The following NPAS3 variants were observed in gnomAD, a reference collection of about 807,000 sequenced individuals.
The protein encoded by NPAS3 is neuronal PAS domain protein 3.
Under a neutral mutation model 73.1 loss-of-function variants are expected in NPAS3, and 14 were observed. The observed-to-expected ratio is 0.19, with a 90% CI of 0.13 to 0.30. NPAS3 has a LOEUF of 0.30. Among genes scored for constraint, NPAS3 ranks in the 10% least tolerant of loss-of-function variants. NPAS3 has a pLI of 1.00. For missense variants in NPAS3, 1,096 were observed against 1,250.0 expected (o/e 0.88, Z 1.86); for synonymous variants, 620 against 541.5 (o/e 1.14, Z -2.01).
chr14:33,793,345 A>G (rs1200989823), intron 9 of NPAS3, among the ~76,000 whole-genome samples: 1 of 152,228 alleles, frequency 6.6e-6, no homozygotes, highest in Non-Finnish European at 1.5e-5. Context: ...CCGACTGACC[A>G]GTGTAAATTT....
intron 4 of NPAS3, 111 bp from the exon 5 acceptor site, chr14:33,560,009 CA>C (rs33950536): frequency 0.09 from 35,217 of 389,298 alleles, 76 homozygotes; most frequent in Middle Eastern, 0.13. Flanking sequence ...GACTCTGTCT[CA>C]AAAAAAAAAA....
intron 6 of NPAS3, among the ~76,000 whole-genome samples, chr14:33,701,736 A>G (rs1390143659): frequency 1.3e-5 from 2 of 152,148 alleles, no homozygotes; most frequent in East Asian, 3.9e-4. Context: ...TCATTCATTC[A>G]TTTATCCATT....
chr14:33,260,589 G>A (rs1343375506), intron 3 of NPAS3, among the ~76,000 whole-genome samples: 1 of 152,142 alleles, frequency 6.6e-6, no homozygotes, highest in Non-Finnish European at 1.5e-5. Context: ...ATCAGCAGCA[G>A]ATCATTTGCT....
chr14:33,192,598 C>T (rs1308825639), intron 2 of NPAS3, among the ~76,000 whole-genome samples: 1 of 152,160 alleles, frequency 6.6e-6, no homozygotes, highest in Non-Finnish European at 1.5e-5. Context: ...ATTATCATTA[C>T]ATATCTGATT....
At chr14:33,169,754 G>A (rs1386826085) in intron 2 of NPAS3, among the ~76,000 whole-genome samples, 1 of 152,200 alleles carries the variant, frequency 6.6e-6, no homozygotes, top group Admixed American at 6.5e-5. Context: ...TCAAAATGCT[G>A]TTTTGCTTCT....
chr14:33,416,019 G>A (rs536120387), intron 4 of NPAS3, among the ~76,000 whole-genome samples: 2 of 152,128 alleles, frequency 1.3e-5, no homozygotes, highest in South Asian at 4.1e-4. Flanking sequence ...ATAAAGCTCT[G>A]AGGATGTCTT....
chr14:33,748,100 G>GT (rs1446498842), intron 7 of NPAS3, among the ~76,000 whole-genome samples: 3 of 152,050 alleles, frequency 2.0e-5, no homozygotes, highest in African/African-American at 7.2e-5. Flanking sequence ...ATAAACATTT[G>GT]TTTTTTAAAA....
intron 4 of NPAS3, among the ~76,000 whole-genome samples, chr14:33,520,433 A>T (rs1185248768): frequency 6.6e-6 from 1 of 152,056 alleles, no homozygotes; most frequent in African/African-American, 2.4e-5. Context: ...TAAATCTGAG[A>T]TGAAATAAGA....
chr14:33,102,704 G>C (rs1026146494), intron 2 of NPAS3, among the ~76,000 whole-genome samples: 2 of 152,220 alleles, frequency 1.3e-5, no homozygotes, highest in Non-Finnish European at 2.9e-5. Flanking sequence ...AATGGGAATG[G>C]AAGTGGGAAG....
chr14:33,063,766 T>G (rs1221785893), intron 2 of NPAS3, among the ~76,000 whole-genome samples: 1 of 152,204 alleles, frequency 6.6e-6, no homozygotes, highest in African/African-American at 2.4e-5. Context: ...CTTCAGAACC[T>G]AAGGTCTAAA....
chr14:33,789,606 T>TTTTTTTTTG (rs1318374959), intron 9 of NPAS3, among the ~76,000 whole-genome samples: 1 of 134,680 alleles, frequency 7.4e-6, no homozygotes, highest in African/African-American at 3.2e-5. Context: ...TTTTTTTTTT[T>TTTTTTTTTG]GAGACGGAGT....
chr14:32,944,364 A>G (rs975687380), intron 1 of NPAS3, among the ~76,000 whole-genome samples: 1 of 152,212 alleles, frequency 6.6e-6, no homozygotes, highest in Non-Finnish European at 1.5e-5. Context: ...ATAAGGCTGA[A>G]ACTTAGTAAA....
chr14:33,348,355 G>A (rs932425940), intron 3 of NPAS3, among the ~76,000 whole-genome samples: 11 of 152,086 alleles, frequency 7.2e-5, no homozygotes, highest in African/African-American at 2.2e-4. Context: ...TTAAGCATAG[G>A]TAATTTGTCA....
At chr14:32,934,808 GC>G (rs1000875506), upstream of NPAS3, 1 of 272,706 alleles carries the variant, frequency 3.7e-6, no homozygotes, top group Non-Finnish European at 5.6e-6. The surrounding 1 kb of genome is among the most constrained non-coding windows in gnomAD (Gnocchi z 4.1). Flanking sequence ...GCCAGCCAGA[GC>G]CCAGAGCCGC....
At chr14:32,938,949 C>T (rs1372930993), upstream of NPAS3, among the ~76,000 whole-genome samples, 1 of 146,006 alleles carries the variant, frequency 6.8e-6, no homozygotes, top group East Asian at 2.0e-4. Context: ...CGCTCTGCGG[C>T]GCATGGACGG....
intron 5 of NPAS3, among the ~76,000 whole-genome samples, chr14:33,560,672 C>G (rs1239567223): frequency 6.6e-6 from 1 of 152,134 alleles, no homozygotes; most frequent in African/African-American, 2.4e-5. Flanking sequence ...AGGGTTCCAG[C>G]AAGGATATAT....
intron 4 of NPAS3, among the ~76,000 whole-genome samples, chr14:33,419,572 C>A (rs1442497106): frequency 6.6e-6 from 1 of 151,688 alleles, no homozygotes; most frequent in South Asian, 2.1e-4. Flanking sequence ...TTTTTTAAAG[C>A]TTTTGGTGAA....
chr14:32,944,986 C>T lies in NPAS3; in HGVS notation c.50+5620C>T, dbSNP rs188332841. The stretch of plus-strand genomic sequence containing the variant: ...TTCAGCTTCATTTATTGAACCTCTA[C>T]CATGGACCGTGGTTATGCGTGCCAG... On this transcript the variant is annotated intron_variant, in intron 1 of 11. Transcript: ENST00000356141. Among the ~76,000 whole-genome samples, 421 of 152,262 alleles carry T rather than the reference C, an allele frequency of 2.8e-3. 1 individual carries two copies. The highest frequency in any genetic ancestry group is 9.7e-3 in the African/African-American group (401 of 41,536).
chr14:33,326,473 C>G (rs888861323), intron 3 of NPAS3, among the ~76,000 whole-genome samples: 2 of 152,172 alleles, frequency 1.3e-5, no homozygotes, highest in Admixed American at 6.5e-5. Context: ...CCTCCATCTC[C>G]TTATCTGAGA....
Sources: allele counts gnomAD v4.1 joint callset (sites outside exome capture counted in the v4.1 genomes callset), GRCh38; gene constraint gnomAD v4.1.1; non-coding constraint Gnocchi (gnomAD v3.1); transcripts MANE v1.5; gene names NCBI Gene and HGNC (gene_info 2026-07-23, HGNC 2026-07-21).